NELL1: variants seen among roughly 807,000 people sequenced by gnomAD.
NELL1 encodes neural EGFL like 1, also known as protein kinase C-binding protein NELL1.
NELL1 carries 76 observed loss-of-function variants against 107.4 expected under a neutral mutation model. The observed-to-expected ratio is 0.71, with a 90% CI of 0.59 to 0.86. The LOEUF (loss-of-function observed/expected upper bound fraction) is 0.86, where lower values mean the gene tolerates loss of function less well. Ranked by LOEUF, NELL1 falls within the 40% of genes least tolerant of loss-of-function variation. The probability of loss-of-function intolerance (pLI) is 0.00; values close to 1 mark genes in which losing one functional copy is unlikely to be tolerated. For synonymous variants in NELL1, 353 were observed against 341.2 expected (o/e 1.03, Z -0.38); for missense variants, 1,024 against 1,005.5 (o/e 1.02, Z -0.25).
intron 11 of NELL1, among the ~76,000 whole-genome samples, chr11:20,959,907 G>A (rs77119230): frequency 0.029 from 4,426 of 152,190 alleles, 221 homozygotes; most frequent in African/African-American, 0.1. Context: ...ATGGTATATT[G>A]TTTAGGCATA....
intron 12 of NELL1, among the ~76,000 whole-genome samples, chr11:21,047,044 A>T (rs1051367204): frequency 2.0e-5 from 3 of 152,034 alleles, no homozygotes; most frequent in African/African-American, 7.2e-5. Context: ...TTAAAAGCTT[A>T]TATTTGTTTT....
At chr11:20,932,747 C>T (rs1459327118) in intron 9 of NELL1, among the ~76,000 whole-genome samples, 3 of 152,204 alleles carry the variant, frequency 2.0e-5, no homozygotes, top group African/African-American at 7.2e-5. Context: ...AAAGCCCTGG[C>T]AGTCTGGCTT....
chr11:21,212,708 T>C (rs1279195600), intron 13 of NELL1, among the ~76,000 whole-genome samples: 2 of 152,158 alleles, frequency 1.3e-5, no homozygotes, highest in Non-Finnish European at 2.9e-5. Flanking sequence ...ACTGGAGCTC[T>C]ACCTCCACCC....
At chr11:21,532,216 G>A (rs1270067033) in intron 15 of NELL1, among the ~76,000 whole-genome samples, 4 of 152,096 alleles carry the variant, frequency 2.6e-5, no homozygotes, top group Non-Finnish European at 1.5e-5. Flanking sequence ...TAGTGTCCCT[G>A]GGGAAGTTGT....
chr11:20,913,313 A>G (rs1229851741), intron 5 of NELL1, among the ~76,000 whole-genome samples: 2 of 152,158 alleles, frequency 1.3e-5, no homozygotes, highest in African/African-American at 4.8e-5. Flanking sequence ...ATTTTCTTCA[A>G]TGTAAACAGA....
At chr11:21,291,289 C>T (rs1012775965) in intron 14 of NELL1, among the ~76,000 whole-genome samples, 1 of 152,026 alleles carries the variant, frequency 6.6e-6, no homozygotes, top group Non-Finnish European at 1.5e-5. Context: ...TTTTTTGAAA[C>T]CAATGAGAGC....
chr11:21,445,842 G>C (rs1251927819), intron 15 of NELL1, among the ~76,000 whole-genome samples: 1 of 152,060 alleles, frequency 6.6e-6, no homozygotes, highest in Non-Finnish European at 1.5e-5. Context: ...AAAGTGTCTT[G>C]TTGTTTTCTT....
chr11:21,218,353 T>A (rs962299958), intron 13 of NELL1, among the ~76,000 whole-genome samples: 21 of 152,138 alleles, frequency 1.4e-4, no homozygotes, highest in African/African-American at 3.1e-4. Context: ...TAAATTTTTT[T>A]AAAAATTGAC....
At chr11:21,462,609 C>T (rs999390928) in intron 15 of NELL1, among the ~76,000 whole-genome samples, 3 of 151,884 alleles carry the variant, frequency 2.0e-5, no homozygotes, top group African/African-American at 7.3e-5. Context: ...CTGTGAAATC[C>T]ATCACCCCAT....
At chr11:21,354,743 C>T (rs1371841392) in intron 14 of NELL1, among the ~76,000 whole-genome samples, 1 of 152,214 alleles carries the variant, frequency 6.6e-6, no homozygotes, top group Non-Finnish European at 1.5e-5. Flanking sequence ...CAGCTACTAT[C>T]ACTGCAGGTT....
In NELL1 at chr11:20,862,247, A is replaced by G. The variant is rs1218315150; in HGVS notation, c.506+14494A>G. Among the ~76,000 whole-genome samples, 3 of 152,310 alleles carry G rather than the reference A, an allele frequency of 2.0e-5. No homozygotes were observed. The East Asian group carries it at 5.8e-4, about 29-fold the overall frequency. ...GAAAAGCAGAAGTGAACTGAAGGAC[A>G]AAATACAGAAGCTAATACCAGTATC... On this transcript the variant is annotated intron_variant, in intron 4 of 19. Coordinates refer to ENST00000357134, the MANE Select transcript of NELL1 (RefSeq NM_006157.5).
At chr11:21,485,829 A>C (rs1337123581) in intron 15 of NELL1, among the ~76,000 whole-genome samples, 1 of 152,040 alleles carries the variant, frequency 6.6e-6, no homozygotes, top group African/African-American at 2.4e-5. Context: ...ATACTTAAGC[A>C]TGACATCCAG....
chr11:21,052,731 C>A (rs750570847), intron 12 of NELL1, among the ~76,000 whole-genome samples: 1 of 152,062 alleles, frequency 6.6e-6, no homozygotes, highest in South Asian at 2.1e-4. Flanking sequence ...GAGAAGCCCC[C>A]ACATCAAACC....
At chr11:21,218,037 C>G (rs1857661059) in intron 13 of NELL1, among the ~76,000 whole-genome samples, 1 of 152,124 alleles carries the variant, frequency 6.6e-6, no homozygotes, top group Non-Finnish European at 1.5e-5. Context: ...TTGTTATGAT[C>G]ATTATTATTA....
chr11:21,558,614 T>C (rs1239131918), intron 16 of NELL1, among the ~76,000 whole-genome samples: 2 of 152,014 alleles, frequency 1.3e-5, no homozygotes, highest in South Asian at 2.1e-4. Flanking sequence ...TTAGATGGCA[T>C]TTATATGCTA....
At chr11:21,447,112 GGGCTCT>G (rs1170607091) in intron 15 of NELL1, among the ~76,000 whole-genome samples, 4,595 of 152,174 alleles carry the variant, frequency 0.03, 238 homozygotes, top group African/African-American at 0.1. Flanking sequence ...TAAGACCCAA[GGGCTCT>G]TCAGTCAGCT....
chr11:21,324,272 G>C (rs779224585), intron 14 of NELL1, among the ~76,000 whole-genome samples: 1 of 151,952 alleles, frequency 6.6e-6, no homozygotes, highest in South Asian at 2.1e-4. Flanking sequence ...GCTGGGATTC[G>C]GACAAAAGAG....
At chr11:20,730,392 TGC>T (rs1330351409) in intron 2 of NELL1, among the ~76,000 whole-genome samples, 7 of 152,152 alleles carry the variant, frequency 4.6e-5, no homozygotes, top group Admixed American at 2.0e-4. Flanking sequence ...GGTCTATTTT[TGC>T]ATCATATTCC....
intron 5 of NELL1, among the ~76,000 whole-genome samples, chr11:20,908,951 A>G (rs1850065695): frequency 6.6e-6 from 1 of 152,214 alleles, no homozygotes; most frequent in South Asian, 2.1e-4. Flanking sequence ...GTATGAATGG[A>G]TAAAGAAAAC....
Sources: gnomAD v4.1 joint callset for allele counts (sites outside exome capture counted in the v4.1 genomes callset) on GRCh38, gnomAD v4.1.1 for gene constraint, MANE v1.5 for transcripts, NCBI Gene and HGNC (gene_info 2026-07-23, HGNC 2026-07-21) for gene names.